GPHN: variants seen among roughly 807,000 people sequenced by gnomAD.
GPHN encodes gephyrin.
A neutral mutation model predicts 95.5 loss-of-function variants in GPHN; 17 were observed. The ratio of observed to expected loss-of-function variants is 0.18; its 90% CI spans 0.12 to 0.27. The LOEUF is 0.27. Ranked by LOEUF, GPHN falls within the 10% of genes least tolerant of loss-of-function variation. GPHN has a pLI of 1.00. For missense variants in GPHN, 660 were observed against 978.1 expected (o/e 0.67, Z 4.34); for synonymous variants, 320 against 322.5 (o/e 0.99, Z 0.08).
chr14:67,576,281 A>G, the GPHN span: 10 of 648,376 alleles, frequency 1.5e-5, no homozygotes, highest in East Asian at 1.4e-4. This position sits in a 1 kb window ranked among gnomAD's most constrained non-coding sequence, Gnocchi z 4.0. Context: ...ACTCATGCCA[A>G]CCAAACTAGC....
the GPHN span, among the ~76,000 whole-genome samples, chr14:67,202,665 GT>G: frequency 2.0e-5 from 3 of 152,116 alleles, no homozygotes; most frequent in African/African-American, 7.2e-5. Context: ...CATATTATTT[GT>G]AAATTTGTAT....
chr14:66,941,944 C>T (rs1001264559), intron 8 of GPHN, among the ~76,000 whole-genome samples: 7 of 152,128 alleles, frequency 4.6e-5, no homozygotes, highest in Non-Finnish European at 1.0e-4. Context: ...CAGCAATATT[C>T]CAAAAAACTC....
At chr14:67,642,843 C>T in the GPHN span, among the ~76,000 whole-genome samples, 2 of 111,850 alleles carry the variant, frequency 1.8e-5, no homozygotes, top group Admixed American at 2.8e-4. Context: ...GGCTCTGTTG[C>T]CCAGGCTGGA....
the GPHN span, chr14:67,454,268 A>G: frequency 6.6e-6 from 1 of 152,264 alleles, no homozygotes; most frequent in Admixed American, 6.5e-5. Flanking sequence ...TACTAAATAC[A>G]TAGCTGACAT....
chr14:67,634,365 G>C, the GPHN span, among the ~76,000 whole-genome samples: 1 of 150,932 alleles, frequency 6.6e-6, no homozygotes, highest in African/African-American at 2.4e-5. Flanking sequence ...GGCCAAGGTG[G>C]ATGGATCACT....
intron 21 of GPHN, among the ~76,000 whole-genome samples, chr14:67,178,650 G>A (rs1017083519): frequency 4.6e-5 from 7 of 152,258 alleles, no homozygotes; most frequent in Non-Finnish European, 8.8e-5. Context: ...AAGGGAAAGA[G>A]GATAGGAAAT....
chr14:67,382,576 A>C, the GPHN span: 5 of 1,613,882 alleles, frequency 3.1e-6, no homozygotes, highest in South Asian at 3.3e-5. Context: ...GGGTGTGTTC[A>C]ATGTTCAAAT....
chr14:66,666,990 A>G (rs1047608510), intron 1 of GPHN, among the ~76,000 whole-genome samples: 4 of 152,180 alleles, frequency 2.6e-5, no homozygotes. Context: ...CTATACATGA[A>G]CAACAGTACA....
At chr14:67,614,701 G>A in the GPHN span, among the ~76,000 whole-genome samples, 4,721 of 152,154 alleles carry the variant, frequency 0.031, 221 homozygotes, top group African/African-American at 0.11. Flanking sequence ...GGTCAAGGTT[G>A]CTGTGAGCTA....
intron 10 of GPHN, among the ~76,000 whole-genome samples, chr14:67,033,345 C>G (rs1362717369): frequency 1.3e-5 from 2 of 152,174 alleles, no homozygotes; most frequent in East Asian, 3.9e-4. Flanking sequence ...AGGCGGATCA[C>G]TTGAGTCCAG....
At chr14:67,345,806 T>C in the GPHN span, 11 of 1,614,052 alleles carry the variant, frequency 6.8e-6, no homozygotes, top group Non-Finnish European at 9.3e-6. Flanking sequence ...TCCACTGCTT[T>C]GGCATAATTC....
the GPHN span, among the ~76,000 whole-genome samples, chr14:67,438,599 G>A: frequency 1.3e-5 from 2 of 152,094 alleles, no homozygotes; most frequent in Admixed American, 1.3e-4. Flanking sequence ...GGTGGCTCAC[G>A]CCTGTAATCC....
chr14:67,175,390 A>G (rs989429591), intron 21 of GPHN, among the ~76,000 whole-genome samples: 26 of 152,038 alleles, frequency 1.7e-4, no homozygotes, highest in Admixed American at 1.5e-3. Context: ...ATGGTTGTAG[A>G]TGTGTGGTAT....
At chr14:67,374,181 T>C in the GPHN span, among the ~76,000 whole-genome samples, 9 of 152,108 alleles carry the variant, frequency 5.9e-5, no homozygotes, top group Non-Finnish European at 1.0e-4. Context: ...TCAAAGGAAA[T>C]GTTCATTGGA....
chr14:67,331,775 C>A, the GPHN span, among the ~76,000 whole-genome samples: 1 of 152,118 alleles, frequency 6.6e-6, no homozygotes. Context: ...AGTTTCAGTT[C>A]TCTGTGGAGT....
At chr14:66,817,398 T>G (rs1156645419) in intron 3 of GPHN, among the ~76,000 whole-genome samples, 1 of 152,166 alleles carries the variant, frequency 6.6e-6, no homozygotes, top group Non-Finnish European at 1.5e-5. Flanking sequence ...TTGAAGCTTT[T>G]TATAAAAGAT....
chr14:66,635,573 A>G lies in GPHN; in HGVS notation c.65-45534A>G, dbSNP rs139008380. ...TCTGAGTGATCCTGCATGATTGATA[A>G]TCCACACTACTGTCTCTCTAGACAG... is the stretch of plus-strand genomic sequence containing the variant. On this transcript the variant is annotated intron_variant, in intron 1 of 22. Coordinates refer to ENST00000478722, the MANE Select transcript of GPHN (RefSeq NM_020806.5). Among the ~76,000 whole-genome samples the G allele has an allele frequency of 7.2e-5, 11 of 152,272 alleles. No individual in the cohort carries two copies. In the East Asian group the frequency reaches 1.5e-3, roughly 21 times the overall value.
chr14:66,790,450 C>T lies in GPHN; in HGVS notation c.201+13929C>T, dbSNP rs112035738. ...TTCTATTGCCCTTCCCAGAAAAAGC[C>T]TAGAGCAGTAAATTTTGAGTTTGAA... On this transcript the variant is annotated intron_variant, in intron 3 of 22. Transcript: ENST00000478722. Among the ~76,000 whole-genome samples the T allele has an allele frequency of 1.5e-3, 233 of 152,320 alleles. 1 individual carries two copies. The highest frequency in any genetic ancestry group is 5.6e-3 in the African/African-American group (231 of 41,570).
intron 2 of GPHN, among the ~76,000 whole-genome samples, chr14:66,724,449 T>C (rs1288781306): frequency 6.6e-6 from 1 of 152,166 alleles, no homozygotes; most frequent in Non-Finnish European, 1.5e-5. Flanking sequence ...TTAGCCTTTC[T>C]TTTTTATTTT....
Sources: gnomAD v4.1 joint callset for allele counts (sites outside exome capture counted in the v4.1 genomes callset) on GRCh38, gnomAD v4.1.1 for gene constraint, Gnocchi (gnomAD v3.1) non-coding constraint, MANE v1.5 for transcripts, NCBI Gene and HGNC (gene_info 2026-07-23, HGNC 2026-07-21) for gene names.